KCNC2: variants seen among roughly 807,000 people sequenced by gnomAD.
The protein encoded by KCNC2 is voltage-gated potassium channel KCNC2.
KCNC2 carries 21 observed loss-of-function variants against 44.5 expected under a neutral mutation model. That is an observed-to-expected ratio of 0.47 (90% confidence interval 0.33 to 0.68). The LOEUF is 0.68. KCNC2 is among the 30% of genes least tolerant of loss of function. The pLI, the probability that KCNC2 is intolerant of heterozygous loss-of-function variation, is 0.01. For synonymous variants in KCNC2, 391 were observed against 339.1 expected (o/e 1.15, Z -1.68); for missense variants, 589 against 826.2 (o/e 0.71, Z 3.52).
chr12:75,098,943 G>A (rs891179325), intron 2 of KCNC2, among the ~76,000 whole-genome samples: 4 of 152,018 alleles, frequency 2.6e-5, no homozygotes, highest in Non-Finnish European at 5.9e-5. Flanking sequence ...GAACTTGGAA[G>A]GTTCTGTTCT....
At chr12:75,176,005 G>A (rs1266192009) in intron 2 of KCNC2, among the ~76,000 whole-genome samples, 1 of 151,986 alleles carries the variant, frequency 6.6e-6, no homozygotes, top group Non-Finnish European at 1.5e-5. Flanking sequence ...CTATATTTTT[G>A]TTTGCAGTGG....
At chr12:75,053,709 C>G (rs535935002) in intron 2 of KCNC2, among the ~76,000 whole-genome samples, 4 of 148,398 alleles carry the variant, frequency 2.7e-5, no homozygotes, top group South Asian at 2.1e-4. Context: ...TTCAAATATT[C>G]TTTTTATTTT....
At chr12:75,172,457 A>T (rs1424780686) in intron 2 of KCNC2, among the ~76,000 whole-genome samples, 2 of 151,740 alleles carry the variant, frequency 1.3e-5, no homozygotes, top group African/African-American at 4.8e-5. Context: ...AAATTTGCAC[A>T]TCCTGCACAT....
intron 2 of KCNC2, among the ~76,000 whole-genome samples, chr12:75,156,155 A>G (rs1400501261): frequency 6.6e-6 from 1 of 151,828 alleles, no homozygotes; most frequent in East Asian, 1.9e-4. Context: ...TGATGTGTCT[A>G]TATTAGCTAG....
At chr12:75,043,705 T>C in intron 4 of KCNC2, 1 of 1,408,084 alleles carries the variant, frequency 7.1e-7, no homozygotes, top group Non-Finnish European at 9.3e-7. Flanking sequence ...CAACTCTTTT[T>C]CCAGCATATT....
intron 2 of KCNC2, among the ~76,000 whole-genome samples, chr12:75,142,191 G>A (rs1032453696): frequency 1.3e-5 from 2 of 152,096 alleles, no homozygotes; most frequent in African/African-American, 2.4e-5. Flanking sequence ...TTAATAATTT[G>A]TCCAAGATCC....
chr12:75,093,015 CT>C (rs759357469), intron 2 of KCNC2, among the ~76,000 whole-genome samples: 2,338 of 133,696 alleles, frequency 0.017, 43 homozygotes, highest in Admixed American at 0.015. Flanking sequence ...GACCTTTAGG[CT>C]TTTTTTTTTT....
At chr12:75,080,514 T>C (rs894080686) in intron 2 of KCNC2, among the ~76,000 whole-genome samples, 5 of 152,126 alleles carry the variant, frequency 3.3e-5, no homozygotes, top group African/African-American at 1.2e-4. Flanking sequence ...ACCAGAGATT[T>C]AATTTACAAA....
intron 2 of KCNC2, among the ~76,000 whole-genome samples, chr12:75,098,540 C>T (rs1886119923): frequency 6.6e-6 from 1 of 152,094 alleles, no homozygotes; most frequent in East Asian, 1.9e-4. Flanking sequence ...TGGTGGATCA[C>T]CTTAGGTCAG....
intron 2 of KCNC2, among the ~76,000 whole-genome samples, chr12:75,136,096 A>C (rs1403118725): frequency 6.6e-6 from 1 of 152,024 alleles, no homozygotes; most frequent in Non-Finnish European, 1.5e-5. Flanking sequence ...CCTCCTCTAC[A>C]GCCTACAATA....
intron 2 of KCNC2, among the ~76,000 whole-genome samples, chr12:75,170,747 G>A (rs1326997169): frequency 2.0e-5 from 3 of 151,528 alleles, no homozygotes; most frequent in African/African-American, 7.3e-5. Context: ...GTTAACTTTT[G>A]TCAACAGCTC....
intron 2 of KCNC2, among the ~76,000 whole-genome samples, chr12:75,163,594 A>T (rs1593003416): frequency 1.3e-5 from 2 of 151,846 alleles, no homozygotes; most frequent in East Asian, 3.9e-4. Flanking sequence ...TATGAGACAG[A>T]TATATAAAAA....
intron 2 of KCNC2, among the ~76,000 whole-genome samples, chr12:75,140,683 T>A (rs1889585230): frequency 6.6e-6 from 1 of 151,774 alleles, no homozygotes; most frequent in Non-Finnish European, 1.5e-5. Context: ...CAAAAAAGAA[T>A]ATCTGATATA....
intron 2 of KCNC2, among the ~76,000 whole-genome samples, chr12:75,189,255 G>A (rs1321359624): frequency 6.6e-6 from 1 of 152,154 alleles, no homozygotes; most frequent in African/African-American, 2.4e-5. Flanking sequence ...AGTCATTAGT[G>A]TTTTGATAGT....
intron 2 of KCNC2, among the ~76,000 whole-genome samples, chr12:75,132,351 G>C (rs995570521): frequency 2.6e-5 from 4 of 152,080 alleles, no homozygotes; most frequent in Non-Finnish European, 5.9e-5. Context: ...AAAATAAGTG[G>C]ATTGATTAAT....
At chr12:75,073,166 A>C (rs990076819) in intron 2 of KCNC2, among the ~76,000 whole-genome samples, 2 of 152,178 alleles carry the variant, frequency 1.3e-5, no homozygotes, top group African/African-American at 2.4e-5. Flanking sequence ...GTCTAAGTGT[A>C]TAATGTCTGT....
At chr12:75,172,965 G>A (rs965783117) in intron 2 of KCNC2, among the ~76,000 whole-genome samples, 68 of 151,726 alleles carry the variant, frequency 4.5e-4, no homozygotes, top group Non-Finnish European at 1.3e-4. Context: ...AGCAAATCTG[G>A]CAATTGTAAA....
intron 2 of KCNC2, among the ~76,000 whole-genome samples, chr12:75,132,663 G>T (rs7978152): frequency 0.15 from 22,815 of 152,000 alleles, 2,039 homozygotes; most frequent in Middle Eastern, 0.27. Context: ...ATCTTTCTCT[G>T]ATTTGTTAAG....
At chr12:75,146,823 T>A (rs923151158) in intron 2 of KCNC2, among the ~76,000 whole-genome samples, 1 of 152,226 alleles carries the variant, frequency 6.6e-6, no homozygotes, top group Admixed American at 6.5e-5. Context: ...TTAATCATTT[T>A]ATGTGTATAT....
Sources: gnomAD v4.1 joint callset for allele counts (sites outside exome capture counted in the v4.1 genomes callset) on GRCh38, gnomAD v4.1.1 for gene constraint, MANE v1.5 for transcripts, NCBI Gene and HGNC (gene_info 2026-07-23, HGNC 2026-07-21) for gene names.